Variants in PEX7 observed in about 807,000 individuals in gnomAD.
The protein encoded by PEX7 is PTS2 receptor.
Under a neutral mutation model 47.5 loss-of-function variants are expected in PEX7, and 34 were observed. That is an observed-to-expected ratio of 0.72 (90% CI 0.54 to 0.95). The LOEUF (loss-of-function observed/expected upper bound fraction) is 0.95. PEX7 is among the 40% of genes least tolerant of loss of function. The pLI is 0.00. For missense variants in PEX7, 394 were observed against 400.3 expected, an observed-to-expected ratio of 0.98 and a Z score of 0.13; for synonymous variants, 141 against 148.8, an observed-to-expected ratio of 0.95 and a Z score of 0.38.
At chr6:136,901,012 G>A in intron 9 of PEX7, 1 of 205,106 alleles carries the variant, frequency 4.9e-6, no homozygotes, top group South Asian at 1.0e-4. Flanking sequence ...TCACAAAGTG[G>A]GTGAGGTCCC....
intron 5 of PEX7, among the ~76,000 whole-genome samples, chr6:136,858,905 C>T (rs749257207): frequency 3.9e-5 from 6 of 152,228 alleles, no homozygotes; most frequent in Middle Eastern, 3.4e-3. Flanking sequence ...TAAAACATAA[C>T]ATAATCTTTG....
At chr6:136,871,832 A>AT (rs1480757306) in intron 7 of PEX7, among the ~76,000 whole-genome samples, 3 of 152,138 alleles carry the variant, frequency 2.0e-5, no homozygotes, top group Non-Finnish European at 4.4e-5. Flanking sequence ...AGGTGCTGGG[A>AT]TTACAGGTGT....
chr6:136,872,131 A>G, intron 7 of PEX7, 67 bp from the exon 8 acceptor site: 1 of 1,279,328 alleles, frequency 7.8e-7, no homozygotes, highest in Non-Finnish European at 1.1e-6. Context: ...TGGAATGATC[A>G]TAGAAAGCAG....
In PEX7 at chr6:136,887,421, A is replaced by G. The variant is rs370197607; in HGVS notation, c.804-10721A>G. ...CCACAGAGCCTGGCCCATATCTGGC[A>G]CTCAGAATTTTATTTTTTATTCCCA... is the stretch of plus-strand genomic sequence containing the variant. On this transcript the variant is annotated intron_variant, in intron 8 of 9. Transcript: ENST00000318471. Among the ~76,000 whole-genome samples, 6 of 152,100 alleles carry G rather than the reference A, an allele frequency of 3.9e-5. No homozygotes were observed. In the East Asian group the frequency reaches 1.2e-3, roughly 29 times the overall value.
At chr6:136,852,277 C>G (rs1193408306) in intron 5 of PEX7, among the ~76,000 whole-genome samples, 1 of 151,380 alleles carries the variant, frequency 6.6e-6, no homozygotes, top group Non-Finnish European at 1.5e-5. Flanking sequence ...TCTCACCGCT[C>G]CTATTCAACA....
At chr6:136,833,957 T>C (rs1348142746) in intron 3 of PEX7, among the ~76,000 whole-genome samples, 3 of 152,246 alleles carry the variant, frequency 2.0e-5, no homozygotes, top group Non-Finnish European at 4.4e-5. Flanking sequence ...TGTTCTCTGA[T>C]TGTAGTTTGG....
chr6:136,893,815 A>C (rs150789940), intron 8 of PEX7, among the ~76,000 whole-genome samples: 1 of 152,362 alleles, frequency 6.6e-6, no homozygotes, highest in East Asian at 1.9e-4. Context: ...CCTTTCTCAT[A>C]GTAAGGAAAG....
At chr6:136,867,578 C>T (rs1269339811) in intron 6 of PEX7, among the ~76,000 whole-genome samples, 1 of 151,552 alleles carries the variant, frequency 6.6e-6, no homozygotes, top group East Asian at 1.9e-4. Flanking sequence ...TATAGCTCTA[C>T]AATGTGTTTA....
At chr6:136,901,966 G>A (rs1775759891) in intron 9 of PEX7, among the ~76,000 whole-genome samples, 1 of 152,148 alleles carries the variant, frequency 6.6e-6, no homozygotes. Context: ...TGTATTTTTA[G>A]TAGAGATGGG....
At chr6:136,888,403 A>G (rs1216256618) in intron 8 of PEX7, among the ~76,000 whole-genome samples, 1 of 152,176 alleles carries the variant, frequency 6.6e-6, no homozygotes, top group African/African-American at 2.4e-5. Flanking sequence ...GAGATTTTCA[A>G]AATGTTCTGT....
In PEX7 at chr6:136,826,543, A is replaced by G. The variant is rs1774196606; in HGVS notation, c.339+74A>G. 6 of 1,550,278 alleles carry G rather than the reference A, an allele frequency of 3.9e-6. No individual in the cohort carries two copies. The South Asian group carries it at 5.6e-5, about 15-fold the overall frequency. ...GGTTGAAATCCATTTGGGGATGGAC[A>G]CATGGAGAAATATCTTCAGGGGACA... On this transcript the variant is annotated intron_variant, in intron 3 of 9. Transcript: ENST00000318471.
intron 8 of PEX7, among the ~76,000 whole-genome samples, chr6:136,886,175 T>A (rs1775465529): frequency 6.6e-6 from 1 of 152,152 alleles, no homozygotes; most frequent in Admixed American, 6.5e-5. Flanking sequence ...TGCCCTCTGC[T>A]CCTTGGAGGT....
intron 3 of PEX7, among the ~76,000 whole-genome samples, chr6:136,844,135 C>A (rs543433234): frequency 2.6e-4 from 40 of 151,988 alleles, no homozygotes; most frequent in African/African-American, 8.7e-4. Context: ...GAGGCTGAGG[C>A]GGTAGGACTG....
intron 8 of PEX7, among the ~76,000 whole-genome samples, chr6:136,884,015 T>G (rs1331886195): frequency 6.6e-6 from 1 of 152,200 alleles, no homozygotes; most frequent in East Asian, 1.9e-4. Flanking sequence ...TGGAGGCTAG[T>G]GATTGCATAT....
chr6:136,869,776 C>T, intron 6 of PEX7, 114 bp from the exon 7 acceptor site: 1 of 839,556 alleles, frequency 1.2e-6, no homozygotes, highest in Non-Finnish European at 2.1e-6. Context: ...AAAAATGACT[C>T]CTTGGTTCAT....
At chr6:136,885,802 A>T (rs1390810015) in intron 8 of PEX7, among the ~76,000 whole-genome samples, 6 of 152,194 alleles carry the variant, frequency 3.9e-5, no homozygotes, top group African/African-American at 1.4e-4. Flanking sequence ...GGGTTGGCAC[A>T]TTCCCAGGTA....
intron 3 of PEX7, among the ~76,000 whole-genome samples, chr6:136,844,164 A>C (rs1198334149): frequency 6.6e-6 from 1 of 152,066 alleles, no homozygotes; most frequent in African/African-American, 2.4e-5. Context: ...TAGGAGTTTG[A>C]GACCAGCCTG....
At chr6:136,837,149 A>G (rs1179671407) in intron 3 of PEX7, among the ~76,000 whole-genome samples, 2 of 151,966 alleles carry the variant, frequency 1.3e-5, no homozygotes, top group South Asian at 2.1e-4. Context: ...TCACAGGGTC[A>G]GGAGATTGAG....
At chr6:136,831,360 C>G (rs1423595084) in intron 3 of PEX7, among the ~76,000 whole-genome samples, 2 of 152,154 alleles carry the variant, frequency 1.3e-5, no homozygotes, top group Admixed American at 6.5e-5. Context: ...GGAAACTGCC[C>G]CCATGATCCG....
Sources: allele counts gnomAD v4.1 joint callset (sites outside exome capture counted in the v4.1 genomes callset), GRCh38; gene constraint gnomAD v4.1.1; transcripts MANE v1.5; gene names NCBI Gene and HGNC (gene_info 2026-07-23, HGNC 2026-07-21).